The following ST8SIA6 variants were observed in gnomAD, a reference collection of about 807,000 sequenced individuals.
ST8SIA6 encodes ST8 alpha-N-acetyl-neuraminide alpha-2,8-sialyltransferase 6, also known as alpha-2,8-sialyltransferase 8F.
Under a neutral mutation model 33.6 loss-of-function variants are expected in ST8SIA6, and 39 were observed. The ratio of observed to expected loss-of-function variants is 1.16; its 90% CI spans 0.90 to 1.52. The LOEUF (loss-of-function observed/expected upper bound fraction) is 1.52. ST8SIA6 is among the 40% of genes most tolerant of loss of function. The pLI is 0.00. For synonymous variants in ST8SIA6, 172 were observed against 167.2 expected (o/e 1.03, Z -0.22); for missense variants, 441 against 443.8 (o/e 0.99, Z 0.06).
At chr10:17,325,451 T>A (rs9664375) in intron 6 of ST8SIA6, among the ~76,000 whole-genome samples, 2,617 of 78,704 alleles carry the variant, frequency 0.033, 27 homozygotes, top group African/African-American at 0.047. Flanking sequence ...GATTATATAT[T>A]TTACTACTAC....
At chr10:17,453,706 G>A in intron 1 of ST8SIA6, 49 bp from the exon 2 acceptor site, 1 of 1,244,504 alleles carries the variant, frequency 8.0e-7, no homozygotes, top group Non-Finnish European at 1.0e-6. Context: ...GCCGGGAGCT[G>A]TTGGCTGAAA....
intron 2 of ST8SIA6, among the ~76,000 whole-genome samples, chr10:17,393,308 A>G (rs1564441647): frequency 6.6e-6 from 1 of 152,130 alleles, no homozygotes; most frequent in Admixed American, 6.5e-5. Flanking sequence ...TCCCCTAATT[A>G]TGGGAGCTAA....
chr10:17,440,827 G>C (rs1852461190), intron 2 of ST8SIA6, among the ~76,000 whole-genome samples: 1 of 152,102 alleles, frequency 6.6e-6, no homozygotes, highest in Admixed American at 6.6e-5. Context: ...GTATCTTATT[G>C]GGGTTTTGGT....
At chr10:17,324,561 G>C (rs958832403) in intron 6 of ST8SIA6, among the ~76,000 whole-genome samples, 1 of 151,654 alleles carries the variant, frequency 6.6e-6, no homozygotes, top group Admixed American at 6.6e-5. Flanking sequence ...CCATAGGGAA[G>C]GGTATTTTAT....
chr10:17,413,009 T>C (rs1397419211), intron 2 of ST8SIA6, among the ~76,000 whole-genome samples: 1 of 152,220 alleles, frequency 6.6e-6, no homozygotes, highest in Non-Finnish European at 1.5e-5. Context: ...AATCAGTAAG[T>C]ACTTCTAAGG....
intron 2 of ST8SIA6, chr10:17,410,164 A>C (rs1231924861): frequency 6.6e-6 from 1 of 152,228 alleles, no homozygotes; most frequent in African/African-American, 2.4e-5. Flanking sequence ...TGTGGAGTTC[A>C]GCTGAGTGTC....
At chr10:17,392,928 G>C (rs1850669266) in intron 2 of ST8SIA6, among the ~76,000 whole-genome samples, 1 of 152,192 alleles carries the variant, frequency 6.6e-6, no homozygotes, top group African/African-American at 2.4e-5. Flanking sequence ...CAGATAACTG[G>C]TAAAACATGA....
intron 4 of ST8SIA6, among the ~76,000 whole-genome samples, chr10:17,333,706 T>TAC (rs1848394307): frequency 3.2e-5 from 1 of 30,836 alleles, no homozygotes; most frequent in Non-Finnish European, 5.7e-5. Context: ...TATATATATA[T>TAC]ATATATATAT....
Position 17,454,125 on chromosome 10 carries a change from CG to C in ST8SIA6, c.101+29del, listed in dbSNP as rs1853028852. ...GGGGCGCCAGGCGGGGCGCGCGGCGCGGGGCGCGGCCGGCGGGTGGGTGGGT... is the reference window on the plus strand; with the variant it reads ...GGGGCGCCAGGCGGGGCGCGCGGCGCGGGCGCGGCCGGCGGGTGGGTGGGT... On this transcript the variant is annotated intron_variant, in intron 1 of 7. Transcript: ENST00000377602. This position sits in a 1 kb window ranked among gnomAD's most constrained non-coding sequence, Gnocchi z 4.1. The C allele has an allele frequency of 3.9e-6, 1 of 258,234 alleles. No homozygotes were observed. 16.0% of individuals were successfully genotyped at this position (258,234 alleles called of 1,614,324 possible).
intron 3 of ST8SIA6, among the ~76,000 whole-genome samples, chr10:17,375,211 A>C (rs2131637211): frequency 6.6e-6 from 1 of 152,334 alleles, no homozygotes; most frequent in Non-Finnish European, 1.5e-5. Flanking sequence ...CCATAGATTT[A>C]AAGTAGAATG....
chr10:17,363,778 C>G (rs569693640), intron 3 of ST8SIA6, among the ~76,000 whole-genome samples: 9 of 152,130 alleles, frequency 5.9e-5, no homozygotes, highest in Non-Finnish European at 1.2e-4. Flanking sequence ...TCTGCTTCCC[C>G]CCTCCACCCA....
intron 4 of ST8SIA6, among the ~76,000 whole-genome samples, chr10:17,355,055 A>T (rs1849151174): frequency 6.6e-6 from 1 of 152,226 alleles, no homozygotes; most frequent in Non-Finnish European, 1.5e-5. Context: ...ACCCCCTCGT[A>T]GCACAACAAG....
chr10:17,349,955 T>C lies in ST8SIA6; in HGVS notation c.377+9559A>G, dbSNP rs201602006. ...AAATAAACACACACACACACACACA[T>C]ACACACACAAATGAAAATGTATTAA... On this transcript the variant is annotated intron_variant, in intron 4 of 7. Transcript: ENST00000377602. Among the ~76,000 whole-genome samples the C allele has an allele frequency of 8.1e-3, 1,190 of 147,032 alleles. 14 individuals carry two copies. The highest frequency in any genetic ancestry group is 0.028 in the African/African-American group (1,109 of 40,288).
intron 2 of ST8SIA6, among the ~76,000 whole-genome samples, chr10:17,443,166 G>A (rs1852566287): frequency 6.6e-6 from 1 of 152,140 alleles, no homozygotes; most frequent in African/African-American, 2.4e-5. Context: ...AAATATGTAG[G>A]ATATAGGTGT....
At chr10:17,436,508 G>T (rs368117662) in intron 2 of ST8SIA6, among the ~76,000 whole-genome samples, 2,920 of 148,090 alleles carry the variant, frequency 0.02, 75 homozygotes, top group East Asian at 0.085. Flanking sequence ...CTCTCCTAAT[G>T]CTATCCCTCC....
chr10:17,397,232 TG>T (rs1355320598), intron 2 of ST8SIA6, among the ~76,000 whole-genome samples: 18 of 93,312 alleles, frequency 1.9e-4, no homozygotes, highest in African/African-American at 6.1e-4. Context: ...AATTGTTTTT[TG>T]TTTTTTTTTT....
intron 4 of ST8SIA6, among the ~76,000 whole-genome samples, chr10:17,344,803 G>T (rs925757848): frequency 2.0e-5 from 3 of 152,192 alleles, no homozygotes; most frequent in African/African-American, 7.2e-5. Flanking sequence ...TTAAGGGGCT[G>T]CAGGTTGGAA....
chr10:17,424,982 G>A (rs1161315506), intron 2 of ST8SIA6, among the ~76,000 whole-genome samples: 3 of 151,802 alleles, frequency 2.0e-5, no homozygotes, highest in Non-Finnish European at 4.4e-5. Flanking sequence ...TGATTCTCCC[G>A]CCTCAGCCTC....
In ST8SIA6 at chr10:17,374,903, A is replaced by G. The variant is rs560715185; in HGVS notation, c.291-15303T>C. ...AATGGCTGTTTTGTGTGGATGTAAT[A>G]TTTTCTGATCTATAACTCTTCTTTT... On this transcript the variant is annotated intron_variant, in intron 3 of 7. Coordinates refer to ENST00000377602, the MANE Select transcript of ST8SIA6 (RefSeq NM_001004470.3). Among the ~76,000 whole-genome samples, 6 of 151,486 alleles carry G rather than the reference A, an allele frequency of 4.0e-5. No individual in the cohort carries two copies. The East Asian group carries it at 9.8e-4, about 25-fold the overall frequency.
Sources: gnomAD v4.1 joint callset for allele counts (sites outside exome capture counted in the v4.1 genomes callset) on GRCh38, gnomAD v4.1.1 for gene constraint, Gnocchi (gnomAD v3.1) non-coding constraint, MANE v1.5 for transcripts, NCBI Gene and HGNC (gene_info 2026-07-23, HGNC 2026-07-21) for gene names.